The following PSG11 variants were observed in gnomAD, a reference collection of about 807,000 sequenced individuals.
PSG11 encodes the protein pregnancy-specific beta-1-glycoprotein 11.
In PSG11, 42 loss-of-function variants were observed where a neutral mutation model predicts 36.0. The ratio of observed to expected loss-of-function variants is 1.17; its 90% CI spans 0.91 to 1.51. The LOEUF (loss-of-function observed/expected upper bound fraction) is 1.51, where lower values mean the gene tolerates loss of function less well. Among genes scored for constraint, PSG11 ranks in the 40% most tolerant of loss-of-function variants. The pLI is 0.00. For synonymous variants in PSG11, 206 were observed against 153.5 expected, an observed-to-expected ratio of 1.34 and a Z score of -2.53; for missense variants, 558 against 403.5, an observed-to-expected ratio of 1.38 and a Z score of -3.28.
intron 2 of PSG11, among the ~76,000 whole-genome samples, chr19:43,024,259 C>T (rs1599682086): frequency 1.3e-5 from 2 of 151,304 alleles, no homozygotes; most frequent in African/African-American, 4.9e-5. Context: ...GGAACAGGCT[C>T]CTCAGCTTTA....
chr19:43,025,800 CAG>C (rs1245055764), intron 1 of PSG11, among the ~76,000 whole-genome samples: 1 of 150,120 alleles, frequency 6.7e-6, no homozygotes, highest in Non-Finnish European at 1.5e-5. Context: ...ATCAGGAAAA[CAG>C]AACACCTGTT....
chr19:43,015,387 A>G lies in PSG11; in HGVS notation c.710-17T>C. 2 of 1,602,952 alleles carry G rather than the reference A, an allele frequency of 1.2e-6. No individual in the cohort carries two copies. Among genetic ancestry groups the G allele is most frequent in the African/African-American group, 1.4e-5 (1 of 74,010 alleles). ...CTGGACCATCTGGAGGAAAGAGAAT[A>G]AAGCCACAGTTGATGTCATCTGAGG... On this transcript the variant is annotated splice_polypyrimidine_tract_variant and intron_variant, in intron 3 of 5. Transcript: ENST00000320078.
At chr19:43,019,624 C>T (rs1160498275) in intron 2 of PSG11, 1 of 156,974 alleles carries the variant, frequency 6.4e-6, no homozygotes, top group Non-Finnish European at 1.4e-5. Flanking sequence ...GGCAGTGCAG[C>T]CACAAGGTGG....
chr19:43,008,491 A>G (rs1973987481), intron 5 of PSG11, among the ~76,000 whole-genome samples: 1 of 151,010 alleles, frequency 6.6e-6, no homozygotes, highest in East Asian at 1.9e-4. Context: ...TTAGCCAGGA[A>G]GGTCTGGATC....
At chr19:43,014,817 T>C in intron 4 of PSG11, 1 of 1,261,402 alleles carries the variant, frequency 7.9e-7, no homozygotes, top group Non-Finnish European at 1.0e-6. Context: ...AGCAACTCGA[T>C]GTTCAGCACT....
intron 3 of PSG11, 144 bp from the exon 4 acceptor site, chr19:43,015,514 G>C: frequency 7.5e-7 from 1 of 1,334,864 alleles, no homozygotes; most frequent in South Asian, 1.5e-5. Flanking sequence ...CTGAGCTGAA[G>C]CCTGAAGTAT....
At chr19:43,017,876 A>T (rs1416320058) in intron 3 of PSG11, among the ~76,000 whole-genome samples, 2 of 151,506 alleles carry the variant, frequency 1.3e-5, no homozygotes, top group South Asian at 4.2e-4. Context: ...TGTTAATGTG[A>T]ATTGAAATTC....
At position 43,019,027 on chromosome 19, in the gene PSG11, A is replaced by G; in HGVS notation, c.452T>C (p.Ile151Thr). The G allele has an allele frequency of 6.2e-7, 1 of 1,611,802 alleles. No homozygotes were observed. Among genetic ancestry groups the G allele is most frequent in the South Asian group, 1.1e-5 (1 of 90,804 alleles). Residue 151 changes from isoleucine to threonine, a missense_variant, in exon 3 of 6, where the codon ATC (isoleucine) becomes ACC (threonine). Ile to Thr is a moderately conservative substitution (Grantham distance 89). Coordinates refer to ENST00000320078, the MANE Select transcript of PSG11 (RefSeq NM_002785.3). The part of the protein sequence containing the change: ...TLYLETPKPS[I>T]SSSNLNPREA... Reference sequence around the variant, plus strand: ...CCTGGGGTTTAAGTTGCTGCTGGAGATGGAGGGCTTGGGAGTCTCCACTGT... The same window carrying G: ...CCTGGGGTTTAAGTTGCTGCTGGAGGTGGAGGGCTTGGGAGTCTCCACTGT...
Position 43,025,552 on chromosome 19 carries a change from G to A in PSG11, c.65-496C>T, listed in dbSNP as rs777191847. 2.1e-4 allele frequency among the ~76,000 whole-genome samples: 32 copies of A among 151,008 alleles called. 1 individual carries two copies. Among genetic ancestry groups the A allele is most frequent in the Non-Finnish European group, 3.1e-4 (21 of 67,798 alleles). The stretch of plus-strand genomic sequence containing the variant: ...TCCTCCCCATGGCAGCATGAGCTCC[G>A]TGAGGACAGGGACTTTTGTGATCTT... On this transcript the variant is annotated intron_variant, in intron 1 of 5. Coordinates refer to ENST00000320078, the MANE Select transcript of PSG11 (RefSeq NM_002785.3).
intron 5 of PSG11, among the ~76,000 whole-genome samples, chr19:43,008,480 G>A (rs1219317067): frequency 6.6e-6 from 1 of 151,020 alleles, no homozygotes; most frequent in Non-Finnish European, 1.5e-5. Context: ...GTTTCACTGT[G>A]TTAGCCAGGA....
rs1200346592 is a variant in PSG11, at chr19:43,015,899, C to T, written c.710-529G>A. On this transcript the variant is annotated intron_variant, in intron 3 of 5. Coordinates refer to ENST00000320078, the MANE Select transcript of PSG11 (RefSeq NM_002785.3). ...ATCCTGTTTTCAATGGGTCGCTTTA[C>T]CCTGGGACTGACCGGGAGGCTCTGA... is the stretch of plus-strand genomic sequence containing the variant. 7.5e-6 allele frequency: 12 copies of T among 1,610,034 alleles called. 1 individual carries two copies. The highest frequency in any genetic ancestry group is 1.1e-5 in the South Asian group (1 of 90,736).
intron 1 of PSG11, among the ~76,000 whole-genome samples, chr19:43,025,937 T>TG (rs1967241648): frequency 1.5e-5 from 1 of 65,664 alleles, no homozygotes; most frequent in African/African-American, 8.7e-5. Context: ...TTTTTTTCTC[T>TG]TTTTTTTTTT....
intron 1 of PSG11, among the ~76,000 whole-genome samples, chr19:43,025,647 C>A (rs1381619026): frequency 1.6e-5 from 2 of 125,282 alleles, no homozygotes; most frequent in Non-Finnish European, 3.3e-5. Context: ...GCCGTCCACG[C>A]CCTGGGTGTT....
chr19:43,019,196 C>G (rs1174155157), intron 2 of PSG11, 148 bp from the exon 3 acceptor site: 4 of 1,473,784 alleles, frequency 2.7e-6, no homozygotes, highest in Non-Finnish European at 3.6e-6. Flanking sequence ...AACACAGATG[C>G]ATGGCATTCT....
At chr19:43,022,608 TTG>T (rs765443468) in intron 2 of PSG11, among the ~76,000 whole-genome samples, 1 of 151,014 alleles carries the variant, frequency 6.6e-6, no homozygotes, top group Non-Finnish European at 1.5e-5. Flanking sequence ...ATTTGTGTGT[TTG>T]TGTGTGTGTG....
intron 2 of PSG11, among the ~76,000 whole-genome samples, chr19:43,020,195 A>G (rs1288892593): frequency 6.6e-6 from 1 of 151,478 alleles, no homozygotes; most frequent in Non-Finnish European, 1.5e-5. Flanking sequence ...TAGTTCATAC[A>G]GATAAAGTGC....
intron 4 of PSG11, among the ~76,000 whole-genome samples, chr19:43,011,513 A>G (rs1974075648): frequency 6.6e-6 from 1 of 151,368 alleles, no homozygotes; most frequent in Non-Finnish European, 1.5e-5. Context: ...TGATTCTTCA[A>G]AATAAAATCA....
In PSG11 at chr19:43,016,117, A is replaced by C. The variant is rs1266017309; in HGVS notation, c.710-747T>G. The C allele has an allele frequency of 5.8e-6, 9 of 1,538,744 alleles. No individual in the cohort carries two copies. In the Admixed American group the frequency reaches 1.7e-4, roughly 29 times the overall value. ...TCCTCCACAGGCATCCTTCAATCAG[A>C]GTTGGCATCTCCCACCTCTCAGCCC... On this transcript the variant is annotated intron_variant, in intron 3 of 5. Transcript: ENST00000320078.
At chr19:43,021,120 A>G (rs970318282) in intron 2 of PSG11, among the ~76,000 whole-genome samples, 2 of 151,444 alleles carry the variant, frequency 1.3e-5, no homozygotes, top group African/African-American at 2.4e-5. Context: ...CCTCTTAAGT[A>G]TGTGTTACAG....
Sources: allele counts gnomAD v4.1 joint callset (sites outside exome capture counted in the v4.1 genomes callset), GRCh38; gene constraint gnomAD v4.1.1; transcripts MANE v1.5; gene names NCBI Gene and HGNC (gene_info 2026-07-23, HGNC 2026-07-21).